COL23A1: variants seen among roughly 807,000 people sequenced by gnomAD.
COL23A1 encodes collagen type XXIII alpha 1 chain.
Under a neutral mutation model 99.3 loss-of-function variants are expected in COL23A1, and 97 were observed. The ratio of observed to expected loss-of-function variants is 0.98; its 90% confidence interval spans 0.83 to 1.16. The LOEUF (loss-of-function observed/expected upper bound fraction) is 1.16. COL23A1 is among the 50% of genes most tolerant of loss of function. COL23A1 has a pLI of 0.00. For synonymous variants in COL23A1, 320 were observed against 308.2 expected, an observed-to-expected ratio of 1.04 and a Z score of -0.40; for missense variants, 762 against 757.4, an observed-to-expected ratio of 1.01 and a Z score of -0.07.
intron 10 of COL23A1, 46 bp from the exon 11 acceptor site, chr5:178,261,794 C>T (rs1765640863): frequency 1.3e-6 from 2 of 1,491,502 alleles, no homozygotes; most frequent in Non-Finnish European, 1.9e-6. Flanking sequence ...CTGGAGGCTG[C>T]TCCTGGGCCT....
At chr5:178,404,422 G>T (rs1764640507) in intron 2 of COL23A1, among the ~76,000 whole-genome samples, 1 of 152,210 alleles carries the variant, frequency 6.6e-6, no homozygotes, top group African/African-American at 2.4e-5. Context: ...CATGCAGGAG[G>T]AGATTCTTGA....
chr5:178,433,044 C>G (rs1437416431), intron 2 of COL23A1, among the ~76,000 whole-genome samples: 1 of 152,090 alleles, frequency 6.6e-6, no homozygotes, highest in Non-Finnish European at 1.5e-5. Context: ...CCTCCTGACA[C>G]CAAATGCAAT....
At chr5:178,358,014 GTA>G (rs529483132) in intron 2 of COL23A1, among the ~76,000 whole-genome samples, 17 of 119,196 alleles carry the variant, frequency 1.4e-4, no homozygotes, top group East Asian at 7.6e-4. Context: ...GTATGTGTGT[GTA>G]TGTGTGTGTA....
intron 5 of COL23A1, among the ~76,000 whole-genome samples, chr5:178,276,039 C>T (rs1397495309): frequency 6.6e-6 from 1 of 152,228 alleles, no homozygotes; most frequent in Non-Finnish European, 1.5e-5. Flanking sequence ...GCATTTGAAA[C>T]TGGTGGTCCT....
intron 5 of COL23A1, among the ~76,000 whole-genome samples, chr5:178,285,449 T>C (rs1757102955): frequency 6.6e-6 from 1 of 152,326 alleles, no homozygotes; most frequent in East Asian, 1.9e-4. Flanking sequence ...AAACCGACCA[T>C]TCTCAAAGGT....
chr5:178,565,506 C>T (rs1762797294), intron 1 of COL23A1, among the ~76,000 whole-genome samples: 1 of 152,162 alleles, frequency 6.6e-6, no homozygotes, highest in African/African-American at 2.4e-5. Context: ...GAGGAGACTC[C>T]TTTTCCTGAC....
intron 2 of COL23A1, among the ~76,000 whole-genome samples, chr5:178,394,505 G>T (rs1764123888): frequency 6.6e-6 from 1 of 152,228 alleles, no homozygotes; most frequent in African/African-American, 2.4e-5. Flanking sequence ...CCTGCTCCAA[G>T]AAATTAACTC....
In COL23A1 at chr5:178,255,883, C is replaced by T. The variant is rs940956197; in HGVS notation, c.882+470G>A. ...ACAGAGCCGAGGCCAGGATCCCGGA[C>T]GTCACCCTAAAGGTAAGGTATGTTG... On this transcript the variant is annotated intron_variant, in intron 15 of 28. Coordinates refer to ENST00000390654, the MANE Select transcript of COL23A1 (RefSeq NM_173465.4). This position sits in a 1 kb window ranked among gnomAD's most constrained non-coding sequence, Gnocchi z 4.2. 8 of 384,692 alleles carry T rather than the reference C, an allele frequency of 2.1e-5. No homozygotes were observed. In the East Asian group the frequency reaches 2.8e-4, roughly 14 times the overall value. 23.8% of individuals were successfully genotyped at this position (384,692 alleles called of 1,614,324 possible). A position where few individuals can be genotyped will look rare whatever the true frequency, so the allele number is the denominator to read the frequency against.
chr5:178,291,743 A>AG (rs1402549739), intron 3 of COL23A1, among the ~76,000 whole-genome samples: 3 of 151,766 alleles, frequency 2.0e-5, no homozygotes, highest in Non-Finnish European at 4.4e-5. Context: ...CTGGTGGGTG[A>AG]GGGGGGAGTG....
intron 12 of COL23A1, 132 bp downstream of exon 12, chr5:178,259,589 G>T (rs1765514017): frequency 5.8e-6 from 5 of 854,802 alleles, no homozygotes; most frequent in Non-Finnish European, 8.8e-6. Flanking sequence ...TGGAGAGAAG[G>T]CCGCCTTCCC....
intron 2 of COL23A1, among the ~76,000 whole-genome samples, chr5:178,374,743 C>G (rs545261109): frequency 2.6e-5 from 4 of 152,156 alleles, no homozygotes; most frequent in South Asian, 2.1e-4. Context: ...CAACGTGGCA[C>G]GACTGGAACC....
In COL23A1 at chr5:178,255,717, C is replaced by T; in HGVS notation, c.882+636G>A. On this transcript the variant is annotated intron_variant, in intron 15 of 28. Coordinates refer to ENST00000390654, the MANE Select transcript of COL23A1 (RefSeq NM_173465.4). This position sits in a 1 kb window ranked among gnomAD's most constrained non-coding sequence, Gnocchi z 4.2. The stretch of plus-strand genomic sequence containing the variant: ...TCATTTGCCAGCCCTCCCCCGTCCC[C>T]AGTCACAGCCTGCCCAGAACTGCCT... The T allele has an allele frequency of 4.5e-6, 1 of 221,148 alleles. No individual in the cohort carries two copies. The allele number at this position is 221,148 out of a possible 1,614,324, so 13.7% of individuals were successfully genotyped here.
At position 178,268,743 on chromosome 5, in the gene COL23A1, G is replaced by C. The variant is rs755218615; in HGVS notation, c.482C>G (p.Pro161Arg). The C allele has an allele frequency of 5.0e-6, 8 of 1,602,766 alleles. No individual in the cohort carries two copies. Among genetic ancestry groups the C allele is most frequent in the South Asian group, 3.4e-5 (3 of 88,730 alleles). The change falls in exon 7 of 29, where the codon CCG becomes CGG. Residue 161 changes from proline (P) to arginine (R), a missense_variant. Physicochemically the swap from Pro to Arg is moderately radical, Grantham distance 103 (BLOSUM62 -2). Coordinates refer to ENST00000390654, the MANE Select transcript of COL23A1 (RefSeq NM_173465.4). ...GGCATCACTTACCTTTTCCCCTTTC[G>C]GGCCTGGAAGTCCCTGGAAAAGGAA... The part of the protein sequence containing the change: ...GLDGKPGLPG[P>R]KGEKGAPGDF...
intron 2 of COL23A1, among the ~76,000 whole-genome samples, chr5:178,338,422 C>T (rs1760466733): frequency 1.3e-5 from 2 of 152,228 alleles, no homozygotes; most frequent in Non-Finnish European, 1.5e-5. Context: ...GCAAGGACTG[C>T]CTTCCCGCAA....
chr5:178,397,359 A>G (rs1561935302), intron 2 of COL23A1, among the ~76,000 whole-genome samples: 1 of 152,262 alleles, frequency 6.6e-6, no homozygotes. Flanking sequence ...AGGCGGGGCA[A>G]GGATTTAAGG....
At chr5:178,469,830 C>A (rs1048065912) in intron 2 of COL23A1, among the ~76,000 whole-genome samples, 12 of 152,172 alleles carry the variant, frequency 7.9e-5, no homozygotes, top group African/African-American at 2.9e-4. Context: ...CTCGCAGGGT[C>A]GGGCCACGGA....
At chr5:178,285,945 C>T (rs981750303) in intron 5 of COL23A1, among the ~76,000 whole-genome samples, 1 of 152,226 alleles carries the variant, frequency 6.6e-6, no homozygotes, top group East Asian at 1.9e-4. Context: ...GGGGTGTCTG[C>T]CCCACCCTGT....
chr5:178,300,005 T>TG (rs936915377), intron 3 of COL23A1, among the ~76,000 whole-genome samples: 3 of 151,868 alleles, frequency 2.0e-5, no homozygotes, highest in African/African-American at 7.3e-5. Flanking sequence ...CCGCCCGCCT[T>TG]GGCCTCCCAA....
intron 8 of COL23A1, among the ~76,000 whole-genome samples, chr5:178,266,377 G>A (rs1175215861): frequency 6.6e-6 from 1 of 151,996 alleles, no homozygotes; most frequent in Non-Finnish European, 1.5e-5. Flanking sequence ...ATGTGTGTGT[G>A]TGCGCATATG....
Sources: gnomAD v4.1 joint callset for allele counts (sites outside exome capture counted in the v4.1 genomes callset) on GRCh38, gnomAD v4.1.1 for gene constraint, Gnocchi (gnomAD v3.1) non-coding constraint, MANE v1.5 for transcripts, NCBI Gene and HGNC (gene_info 2026-07-23, HGNC 2026-07-21) for gene names.